The following NELL1 variants were observed in gnomAD, a reference collection of about 807,000 sequenced individuals.
The protein encoded by NELL1 is neural EGFL like 1, also known as protein kinase C-binding protein NELL1.
A neutral mutation model predicts 107.4 loss-of-function variants in NELL1; 76 were observed. The ratio of observed to expected loss-of-function variants is 0.71; its 90% CI spans 0.59 to 0.86. The LOEUF is 0.86. Among genes scored for constraint, NELL1 ranks in the 40% least tolerant of loss-of-function variants. The probability of loss-of-function intolerance (pLI) is 0.00; values close to 1 mark genes in which losing one functional copy is unlikely to be tolerated. For synonymous variants in NELL1, 353 were observed against 341.2 expected (o/e 1.03, Z -0.38); for missense variants, 1,024 against 1,005.5 (o/e 1.02, Z -0.25).
intron 13 of NELL1, among the ~76,000 whole-genome samples, chr11:21,225,416 CA>C (rs1857869305): frequency 6.6e-6 from 1 of 152,172 alleles, no homozygotes; most frequent in East Asian, 1.9e-4. Flanking sequence ...GGCAATCTCC[CA>C]CTTTCTTTTT....
intron 14 of NELL1, among the ~76,000 whole-genome samples, chr11:21,253,928 AT>A (rs1224365280): frequency 1.3e-5 from 2 of 152,120 alleles, no homozygotes; most frequent in Non-Finnish European, 2.9e-5. Flanking sequence ...CTTAGTTTAA[AT>A]TTGAAGGACT....
chr11:21,237,931 C>A (rs1200846989), intron 14 of NELL1, among the ~76,000 whole-genome samples: 2 of 152,130 alleles, frequency 1.3e-5, no homozygotes, highest in African/African-American at 4.8e-5. Flanking sequence ...TAAATACCAT[C>A]TATATGCTAA....
rs149249178 is a variant in NELL1 at position 21,061,491 on chromosome 11, G to C, written c.1301-52098G>C. Among the ~76,000 whole-genome samples the C allele has an allele frequency of 4.8e-3, 732 of 152,278 alleles. 4 individuals carry two copies. Among genetic ancestry groups the C allele is most frequent in the Non-Finnish European group, 7.5e-3 (511 of 68,012 alleles). The stretch of plus-strand genomic sequence containing the variant: ...AGTTTTAGTTAGGAAGTTAGACTTT[G>C]GGGCCAGATCCACTTTTGACTAGCT... On this transcript the variant is annotated intron_variant, in intron 12 of 19. Coordinates refer to ENST00000357134, the MANE Select transcript of NELL1 (RefSeq NM_006157.5).
intron 12 of NELL1, among the ~76,000 whole-genome samples, chr11:21,084,290 A>C (rs1854337814): frequency 6.6e-6 from 1 of 152,120 alleles, no homozygotes; most frequent in Non-Finnish European, 1.5e-5. Flanking sequence ...TCCATTTTCT[A>C]GTTTTTCTGG....
At chr11:20,906,824 G>A (rs1232061786) in intron 5 of NELL1, among the ~76,000 whole-genome samples, 1 of 151,934 alleles carries the variant, frequency 6.6e-6, no homozygotes, top group Admixed American at 6.6e-5. Flanking sequence ...AAGAAAATGA[G>A]CAACATGTGG....
chr11:20,703,457 G>A (rs1715294), intron 2 of NELL1, among the ~76,000 whole-genome samples: 29,589 of 151,934 alleles, frequency 0.19, 3,173 homozygotes, highest in African/African-American at 0.25. Flanking sequence ...ACCAGCTCCC[G>A]GATTCATTGG....
chr11:21,113,805 A>T, intron 13 of NELL1, 91 bp downstream of exon 13: 1 of 1,339,418 alleles, frequency 7.5e-7, no homozygotes, highest in Non-Finnish European at 1.0e-6. Context: ...TGCACAAAGT[A>T]CTATTTTTAT....
At chr11:20,988,399 A>G (rs1308146115) in intron 12 of NELL1, among the ~76,000 whole-genome samples, 1 of 150,812 alleles carries the variant, frequency 6.6e-6, no homozygotes, top group Non-Finnish European at 1.5e-5. Context: ...ATATATATAC[A>G]TATCTATATA....
rs929414818 is a variant in NELL1, at chr11:21,172,775, A to G, written c.1427-56557A>G. Among the ~76,000 whole-genome samples, 3 of 151,768 alleles carry G rather than the reference A, an allele frequency of 2.0e-5. No individual in the cohort carries two copies. The East Asian group carries it at 5.8e-4, about 29-fold the overall frequency. On this transcript the variant is annotated intron_variant, in intron 13 of 19. Coordinates refer to ENST00000357134, the MANE Select transcript of NELL1 (RefSeq NM_006157.5). ...TGAGACATTTTGCACACATTTTCAG[A>G]TGTAACTCTTATATAATTCCTTTTT...
In NELL1 at chr11:21,547,870, C is replaced by T. The variant is rs1160735763; in HGVS notation, c.1787-12319C>T. 2.6e-5 allele frequency among the ~76,000 whole-genome samples: 4 copies of T among 151,908 alleles called. No homozygotes were observed. In the East Asian group the frequency reaches 5.9e-4, roughly 22 times the overall value. The stretch of plus-strand genomic sequence containing the variant: ...TGAGGTCTGAATTTTCTCATTGCCA[C>T]GTAGTGAGTAGCAATTTCTCAGCTG... On this transcript the variant is annotated intron_variant, in intron 16 of 19. Transcript: ENST00000357134.
intron 2 of NELL1, among the ~76,000 whole-genome samples, chr11:20,686,990 C>T (rs1211044656): frequency 1.4e-5 from 2 of 146,352 alleles, no homozygotes; most frequent in African/African-American, 5.1e-5. Flanking sequence ...GCTGGAATCT[C>T]CTGTTTTCAG....
rs183014665 is a variant in NELL1, at chr11:21,400,905, A to C, written c.1645+29957A>C. On this transcript the variant is annotated intron_variant, in intron 15 of 19. Coordinates refer to ENST00000357134, the MANE Select transcript of NELL1 (RefSeq NM_006157.5). ...GAAGGCATAGGAGGACAGGGAATGG[A>C]AGAGAGGAGCCAGGGAAGGGGGATA... is the stretch of plus-strand genomic sequence containing the variant. Among the ~76,000 whole-genome samples the C allele has an allele frequency of 2.6e-5, 4 of 151,952 alleles. No homozygotes were observed. The East Asian group carries it at 7.8e-4, about 30-fold the overall frequency.
At chr11:20,690,728 C>T (rs1336223644) in intron 2 of NELL1, among the ~76,000 whole-genome samples, 2 of 151,998 alleles carry the variant, frequency 1.3e-5, no homozygotes, top group Non-Finnish European at 2.9e-5. Context: ...ATGCCTCCAG[C>T]TTTGTTCTTT....
intron 5 of NELL1, among the ~76,000 whole-genome samples, chr11:20,895,957 T>C (rs752555719): frequency 6.6e-6 from 1 of 152,194 alleles, no homozygotes; most frequent in African/African-American, 2.4e-5. Context: ...TTTTTTTAAA[T>C]TCTATGATTT....
intron 15 of NELL1, among the ~76,000 whole-genome samples, chr11:21,401,603 A>G (rs1852099249): frequency 4.6e-5 from 7 of 151,756 alleles, no homozygotes; most frequent in Admixed American, 4.6e-4. Flanking sequence ...TCCAAGGATC[A>G]GTGAGACTGT....
intron 12 of NELL1, among the ~76,000 whole-genome samples, chr11:21,017,245 A>T (rs1225700193): frequency 1.3e-5 from 2 of 152,134 alleles, no homozygotes; most frequent in Non-Finnish European, 2.9e-5. Context: ...CACCTGGGCA[A>T]ATGTGACAGC....
chr11:20,751,408 G>A (rs948428615), intron 2 of NELL1, among the ~76,000 whole-genome samples: 7 of 151,964 alleles, frequency 4.6e-5, no homozygotes, highest in African/African-American at 9.7e-5. Context: ...ATCAATTTAG[G>A]TTTCTTTAAT....
In NELL1 at chr11:20,829,974, T is replaced by C. The variant is rs149344826; in HGVS notation, c.336-17609T>C. Among the ~76,000 whole-genome samples, 532 of 152,194 alleles carry C rather than the reference T, an allele frequency of 3.5e-3. 3 individuals are homozygous for C. Among genetic ancestry groups the C allele is most frequent in the Non-Finnish European group, 5.6e-3 (382 of 68,006 alleles). On this transcript the variant is annotated intron_variant, in intron 3 of 19. Coordinates refer to ENST00000357134, the MANE Select transcript of NELL1 (RefSeq NM_006157.5). ...ATTTTTCATTTTGTAATTAAAGAAA[T>C]TAGTAGTAAAGGATTTTGGCTGGGC...
chr11:20,681,798 CAGTTCA>C (rs1854195926), intron 2 of NELL1, among the ~76,000 whole-genome samples: 1 of 152,074 alleles, frequency 6.6e-6, no homozygotes, highest in African/African-American at 2.4e-5. Context: ...AATATTCATT[CAGTTCA>C]TTGCCTGTTG....
Sources: gnomAD v4.1 joint callset for allele counts (sites outside exome capture counted in the v4.1 genomes callset) on GRCh38, gnomAD v4.1.1 for gene constraint, MANE v1.5 for transcripts, NCBI Gene and HGNC (gene_info 2026-07-23, HGNC 2026-07-21) for gene names.